TUBB8: variants seen among roughly 807,000 people sequenced by gnomAD.
TUBB8 encodes the protein tubulin beta-8 chain.
Under a neutral mutation model 33.7 loss-of-function variants are expected in TUBB8, and 25 were observed. That is an observed-to-expected ratio of 0.74 (90% CI 0.54 to 1.04). The LOEUF (loss-of-function observed/expected upper bound fraction) is 1.04, where lower values mean the gene tolerates loss of function less well. Ranked by LOEUF, TUBB8 falls within the 50% of genes least tolerant of loss-of-function variation. The pLI is 0.00. For missense variants in TUBB8, 279 were observed against 608.0 expected (o/e 0.46, Z 5.69); for synonymous variants, 245 against 240.1 (o/e 1.02, Z -0.19).
At chr10:67,856 A>G (rs1428458589) in intron 1 of TUBB8, among the ~76,000 whole-genome samples, 1 of 152,202 alleles carries the variant, frequency 6.6e-6, no homozygotes, top group Non-Finnish European at 1.5e-5. Flanking sequence ...TTCAGCATGA[A>G]TCTCCTGGGC....
chr10:75,824 C>G (rs542191855), upstream of TUBB8, among the ~76,000 whole-genome samples: 11 of 152,088 alleles, frequency 7.2e-5, no homozygotes, highest in Middle Eastern at 3.4e-3. Context: ...GTTTCCACTA[C>G]GTTAACAAAT....
In TUBB8 at chr10:48,859, G is replaced by T; in HGVS notation, c.111C>A (p.His37Gln). Residue 37 changes from histidine to glutamine, a missense_variant, in exon 2 of 4, where the codon CAC becomes CAA. Transcript: ENST00000568584. Reference protein sequence around the residue: ...EHAIDSAGTYHGDSHLQLERI... With the variant: ...EHAIDSAGTYQGDSHLQLERI... Reference sequence around the variant, plus strand: ...GCTCCAGCTGCAGGTGGCTGTCCCCGTGGTAGGTGCCAGCGGAGTCGATGG... The same window carrying T: ...GCTCCAGCTGCAGGTGGCTGTCCCCTTGGTAGGTGCCAGCGGAGTCGATGG... The T allele has an allele frequency of 6.3e-7, 1 of 1,593,388 alleles. No homozygotes were observed. Among genetic ancestry groups the T allele is most frequent in the Non-Finnish European group, 8.5e-7 (1 of 1,171,452 alleles).
At chr10:64,064 T>C (rs1834635776) in intron 1 of TUBB8, among the ~76,000 whole-genome samples, 1 of 152,096 alleles carries the variant, frequency 6.6e-6, no homozygotes, top group Non-Finnish European at 1.5e-5. Flanking sequence ...CAAGTAGAGA[T>C]CTTGTTCTCT....
At chr10:49,508 G>C, upstream of TUBB8, 2 of 660,656 alleles carry the variant, frequency 3.0e-6, no homozygotes, top group Admixed American at 4.1e-5. Context: ...ACTTCCTCCC[G>C]CGTCTTTAGT....
chr10:72,987 AAAG>A (rs1834758337), intron 1 of TUBB8, among the ~76,000 whole-genome samples: 1 of 152,180 alleles, frequency 6.6e-6, no homozygotes, highest in African/African-American at 2.4e-5. Flanking sequence ...GGAAAAAAAA[AAAG>A]ATTAGTGACT....
upstream of TUBB8, among the ~76,000 whole-genome samples, chr10:52,722 C>G (rs868909054): frequency 6.6e-6 from 1 of 152,202 alleles, no homozygotes; most frequent in South Asian, 2.1e-4. Context: ...TGGAAGATGT[C>G]TTGTATGGCC....
Position 65,039 on chromosome 10 carries a change from T to C in TUBB8, c.-846+8930A>G, listed in dbSNP as rs192015701. On this transcript the variant is annotated intron_variant, in intron 1 of 3. Coordinates refer to the TUBB8 transcript ENST00000564130. ...GGCACGCACCTGTGTTCCCAGCTAC[T>C]TGGAAGGCTGAGGCCTAAAAATCAT... Among the ~76,000 whole-genome samples, 1,337 of 151,456 alleles carry C rather than the reference T, an allele frequency of 8.8e-3. 5 individuals carry two copies. Among genetic ancestry groups the C allele is most frequent in the African/African-American group, 0.031 (1,273 of 41,190 alleles).
intron 1 of TUBB8, among the ~76,000 whole-genome samples, chr10:63,502 T>C (rs1489665902): frequency 9.9e-5 from 15 of 152,260 alleles, no homozygotes; most frequent in Non-Finnish European, 2.1e-4. Context: ...TTTTGTCTCC[T>C]CTGACTTTGT....
intron 1 of TUBB8, among the ~76,000 whole-genome samples, chr10:72,871 C>A (rs1293064710): frequency 5.5e-5 from 8 of 145,642 alleles, no homozygotes; most frequent in African/African-American, 1.6e-4. Flanking sequence ...AAAAAAAAAG[C>A]AAAAAGAAAA....
At chr10:64,138 T>G (rs1281628269) in intron 1 of TUBB8, among the ~76,000 whole-genome samples, 1 of 152,120 alleles carries the variant, frequency 6.6e-6, no homozygotes. Context: ...GGAGCTGGAG[T>G]TGGGGTAACA....
upstream of TUBB8, among the ~76,000 whole-genome samples, chr10:75,724 T>C (rs1173112652): frequency 2.0e-5 from 3 of 152,114 alleles, no homozygotes; most frequent in East Asian, 3.9e-4. Context: ...CTTTATTTTC[T>C]TTTTACTCTT....
rs1254452632 is a variant in TUBB8, at chr10:48,862, G to C, written c.108C>G (p.Tyr36Ter). The stretch of plus-strand genomic sequence containing the variant: ...CCAGCTGCAGGTGGCTGTCCCCGTG[G>C]TAGGTGCCAGCGGAGTCGATGGCAT... ...DEHAIDSAGTYHGDSHLQLER... is the reference protein window; with the variant it reads ...DEHAIDSAGT The change falls in exon 2 of 4, where the codon TAC becomes TAG. Residue 36 changes from tyrosine (Y) to a stop codon, truncating the protein, a stop_gained. Coordinates refer to ENST00000568584, the MANE Select transcript of TUBB8 (RefSeq NM_177987.3). LOFTEE classifies it high-confidence loss of function. 4 of 1,591,144 alleles carry C rather than the reference G, an allele frequency of 2.5e-6. No homozygotes were observed. Among genetic ancestry groups the C allele is most frequent in the Non-Finnish European group, 3.4e-6 (4 of 1,170,428 alleles).
intron 1 of TUBB8, among the ~76,000 whole-genome samples, chr10:60,153 T>G (rs1163700743): frequency 6.6e-6 from 1 of 152,170 alleles, no homozygotes; most frequent in Non-Finnish European, 1.5e-5. Context: ...AATTTTGAGT[T>G]TGGTTTGGCC....
At chr10:65,188 C>G (rs1554741429) in intron 1 of TUBB8, among the ~76,000 whole-genome samples, 1 of 152,202 alleles carries the variant, frequency 6.6e-6, no homozygotes, top group African/African-American at 2.4e-5. Context: ...AGGCTACAGG[C>G]ACTCTCTTGC....
chr10:64,505 CA>C (rs1834644454), intron 1 of TUBB8, among the ~76,000 whole-genome samples: 1 of 151,950 alleles, frequency 6.6e-6, no homozygotes, highest in Admixed American at 6.6e-5. Flanking sequence ...CCCTCACCCT[CA>C]CCCTCACCCT....
At chr10:73,275 G>A (rs187778535) in intron 1 of TUBB8, among the ~76,000 whole-genome samples, 2 of 144,126 alleles carry the variant, frequency 1.4e-5, no homozygotes, top group Admixed American at 7.0e-5. Flanking sequence ...GTGCAGTGGC[G>A]TGAGCATGAT....
chr10:64,662 T>C (rs1426186007), intron 1 of TUBB8, among the ~76,000 whole-genome samples: 3 of 152,242 alleles, frequency 2.0e-5, no homozygotes, highest in Non-Finnish European at 4.4e-5. Context: ...GTCATACTTA[T>C]GTTTGCACTT....
intron 1 of TUBB8, among the ~76,000 whole-genome samples, chr10:63,216 G>A (rs1234877516): frequency 6.6e-6 from 1 of 152,144 alleles, no homozygotes; most frequent in Non-Finnish European, 1.5e-5. Flanking sequence ...TGGGACTACA[G>A]GTACCCACCA....
At chr10:76,082 T>C (rs1405592256), upstream of TUBB8, among the ~76,000 whole-genome samples, 1 of 140,684 alleles carries the variant, frequency 7.1e-6, no homozygotes, top group Non-Finnish European at 1.5e-5. Context: ...GAGGTTGCAG[T>C]GAGCCGAGAT....
Sources: gnomAD v4.1 joint callset for allele counts (sites outside exome capture counted in the v4.1 genomes callset) on GRCh38, gnomAD v4.1.1 for gene constraint, MANE v1.5 for transcripts, NCBI Gene and HGNC (gene_info 2026-07-23, HGNC 2026-07-21) for gene names.